The following ASTN2 variants were observed in gnomAD, a reference collection of about 807,000 sequenced individuals.
ASTN2 encodes astrotactin-2.
Under a neutral mutation model 139.8 loss-of-function variants are expected in ASTN2, and 54 were observed. The ratio of observed to expected loss-of-function variants is 0.39; its 90% confidence interval spans 0.31 to 0.48. The LOEUF (loss-of-function observed/expected upper bound fraction) is 0.48, where lower values mean the gene tolerates loss of function less well. Among genes scored for constraint, ASTN2 ranks in the 20% least tolerant of loss-of-function variants. The probability of loss-of-function intolerance (pLI) is 0.95; values close to 1 mark genes in which losing one functional copy is unlikely to be tolerated. For synonymous variants in ASTN2, 756 were observed against 719.5 expected (o/e 1.05, Z -0.81); for missense variants, 1,565 against 1,725.1 (o/e 0.91, Z 1.64).
chr9:116,688,599 A>C (rs1860396568), intron 16 of ASTN2, among the ~76,000 whole-genome samples: 1 of 152,126 alleles, frequency 6.6e-6, no homozygotes, highest in African/African-American at 2.4e-5. Flanking sequence ...ATCATGAGGC[A>C]GGTATGGTAT....
intron 1 of ASTN2, among the ~76,000 whole-genome samples, chr9:117,345,720 A>G (rs61183964): frequency 0.053 from 7,995 of 152,274 alleles, 301 homozygotes; most frequent in East Asian, 0.17. Flanking sequence ...TGGACAAGGT[A>G]GTCAGGGAGG....
chr9:117,226,296 C>T (rs1372103359), intron 2 of ASTN2, among the ~76,000 whole-genome samples: 4 of 152,138 alleles, frequency 2.6e-5, no homozygotes, highest in Admixed American at 2.6e-4. Context: ...TGTCATTTAC[C>T]AGCTATGGAA....
intron 19 of ASTN2, among the ~76,000 whole-genome samples, chr9:116,572,765 T>C (rs2131693000): frequency 6.6e-6 from 1 of 152,144 alleles, no homozygotes; most frequent in Non-Finnish European, 1.5e-5. Context: ...GACCCCAATT[T>C]CCCCTTTGCA....
At chr9:116,482,291 A>G (rs780996979) in intron 20 of ASTN2, among the ~76,000 whole-genome samples, 6 of 152,044 alleles carry the variant, frequency 3.9e-5, no homozygotes, top group Non-Finnish European at 7.4e-5. Flanking sequence ...GCGCCCCTGC[A>G]CTCCAGCCTG....
chr9:117,003,274 T>A (rs902283947), intron 7 of ASTN2, among the ~76,000 whole-genome samples: 9 of 152,122 alleles, frequency 5.9e-5, no homozygotes, highest in African/African-American at 2.2e-4. Context: ...AACAGGGTAG[T>A]CCTTGAGCCA....
chr9:116,985,337 G>T (rs1836645876), intron 7 of ASTN2, among the ~76,000 whole-genome samples: 1 of 152,202 alleles, frequency 6.6e-6, no homozygotes, highest in African/African-American at 2.4e-5. Flanking sequence ...AGGCTGAAAG[G>T]TTCTGGTGGC....
chr9:116,607,162 AT>A (rs559962092), intron 19 of ASTN2, among the ~76,000 whole-genome samples: 235 of 152,336 alleles, frequency 1.5e-3, no homozygotes, highest in Non-Finnish European at 2.7e-3. Context: ...AGAAGACCCC[AT>A]AAAACTACAC....
At chr9:116,912,980 G>A (rs895074132) in intron 10 of ASTN2, among the ~76,000 whole-genome samples, 2 of 150,954 alleles carry the variant, frequency 1.3e-5, no homozygotes, top group Non-Finnish European at 3.0e-5. Flanking sequence ...CTCGGCTCAC[G>A]GCAACCTCTG....
intron 4 of ASTN2, among the ~76,000 whole-genome samples, chr9:117,124,592 T>C (rs1829639592): frequency 6.6e-6 from 1 of 152,198 alleles, no homozygotes. Flanking sequence ...TGCTTTAGCA[T>C]GACAAGTGAA....
intron 10 of ASTN2, among the ~76,000 whole-genome samples, chr9:116,961,452 T>C (rs1423796809): frequency 6.6e-6 from 1 of 152,202 alleles, no homozygotes; most frequent in Admixed American, 6.5e-5. Context: ...GTACCTCATA[T>C]AAGTGGAATC....
intron 5 of ASTN2, among the ~76,000 whole-genome samples, chr9:117,073,122 G>A (rs1828180878): frequency 6.6e-6 from 1 of 152,142 alleles, no homozygotes; most frequent in East Asian, 1.9e-4. Context: ...AAAGACTGCC[G>A]AAATAAAAAT....
intron 10 of ASTN2, among the ~76,000 whole-genome samples, chr9:116,952,645 G>C (rs541625892): frequency 7.4e-4 from 113 of 152,298 alleles, no homozygotes; most frequent in African/African-American, 2.4e-3. Context: ...AAATGAATAA[G>C]TTGTGGTCAG....
At chr9:116,774,816 T>TGCTA (rs1231511348) in intron 13 of ASTN2, among the ~76,000 whole-genome samples, 1 of 152,226 alleles carries the variant, frequency 6.6e-6, no homozygotes, top group Non-Finnish European at 1.5e-5. Flanking sequence ...TCACCATGAC[T>TGCTA]GCTAATATGC....
At chr9:116,562,340 T>C (rs1852956437) in intron 19 of ASTN2, 1 of 152,148 alleles carries the variant, frequency 6.6e-6, no homozygotes, top group South Asian at 2.1e-4. Context: ...ACTGTTTTTA[T>C]ATTCTACGGC....
In ASTN2 at chr9:117,354,988, C is replaced by T. The variant is rs183100717; in HGVS notation, c.442+59509G>A. Reference sequence around the variant, plus strand: ...GTATTTGTTCAATATTTGTCTTCTCCACTATATTTTAAGCTCCTTGTCCTG... The same window carrying T: ...GTATTTGTTCAATATTTGTCTTCTCTACTATATTTTAAGCTCCTTGTCCTG... On this transcript the variant is annotated intron_variant, in intron 1 of 22. Transcript: ENST00000313400. Among the ~76,000 whole-genome samples the T allele has an allele frequency of 1.7e-3, 259 of 152,276 alleles. 3 individuals are homozygous for T. Among genetic ancestry groups the T allele is most frequent in the Non-Finnish European group, 1.2e-4 (8 of 68,020 alleles).
chr9:117,283,172 T>G (rs1201661366), intron 2 of ASTN2, among the ~76,000 whole-genome samples: 1 of 152,146 alleles, frequency 6.6e-6, no homozygotes, highest in African/African-American at 2.4e-5. Flanking sequence ...GAAGCCAAAT[T>G]CCATGCTCAT....
At chr9:117,292,856 T>G (rs1462955719) in intron 1 of ASTN2, among the ~76,000 whole-genome samples, 7 of 152,112 alleles carry the variant, frequency 4.6e-5, no homozygotes, top group African/African-American at 7.2e-5. Context: ...GAGGAGATGA[T>G]ACTACCAAAT....
At chr9:117,216,144 T>C (rs1473941040) in intron 2 of ASTN2, among the ~76,000 whole-genome samples, 2 of 152,326 alleles carry the variant, frequency 1.3e-5, no homozygotes, top group African/African-American at 4.8e-5. Context: ...TGTGAATACA[T>C]TATCTTAGGG....
chr9:116,585,330 T>C (rs1435501010), intron 19 of ASTN2: 2 of 152,216 alleles, frequency 1.3e-5, no homozygotes, highest in African/African-American at 4.8e-5. Context: ...AAAATGTATT[T>C]GATGTTCCCA....
Sources: allele counts gnomAD v4.1 joint callset (sites outside exome capture counted in the v4.1 genomes callset), GRCh38; gene constraint gnomAD v4.1.1; transcripts MANE v1.5; gene names NCBI Gene and HGNC (gene_info 2026-07-23, HGNC 2026-07-21).